Variants in SPANXN4 observed in about 807,000 individuals in gnomAD.
SPANXN4 encodes the protein SPANX family member N4.
Under a neutral mutation model 6.0 loss-of-function variants are expected in SPANXN4, and 5 were observed. That is an observed-to-expected ratio of 0.83 (90% CI 0.44 to 1.75). The LOEUF (loss-of-function observed/expected upper bound fraction) is 1.75, where lower values mean the gene tolerates loss of function less well. Ranked by LOEUF, SPANXN4 falls within the 40% of genes most tolerant of loss-of-function variation. The pLI is 0.02. For synonymous variants in SPANXN4, 45 were observed against 38.0 expected, an observed-to-expected ratio of 1.19 and a Z score of -0.68; for missense variants, 157 against 108.6, an observed-to-expected ratio of 1.45 and a Z score of -1.98.
At chrX:143,028,097 A>T (rs1030304584) in intron 1 of SPANXN4, among the ~76,000 whole-genome samples, 3 of 111,373 alleles carry the variant, frequency 2.7e-5, no homozygotes, top group African/African-American at 9.8e-5. Flanking sequence ...TGTGAGGGAG[A>T]GAGAGTAATT....
In SPANXN4 at chrX:143,034,006, C is replaced by T. The variant is rs1474823658; in HGVS notation, c.79-22C>T. The T allele has an allele frequency of 5.2e-6, 6 of 1,153,749 alleles. No individual in the cohort carries two copies. The African/African-American group carries it at 1.1e-4, about 21-fold the overall frequency. On this transcript the variant is annotated intron_variant, in intron 1 of 2. Coordinates refer to ENST00000370504, the Ensembl canonical transcript of SPANXN4. ...ATCCAAAATAACACCATTCTGGCCTCTCCCTGTTTTTTTACCAGAAGAAGA... is the reference window on the plus strand; with the variant it reads ...ATCCAAAATAACACCATTCTGGCCTTTCCCTGTTTTTTTACCAGAAGAAGA...
intron 1 of SPANXN4, 70 bp from the exon 2 acceptor site, chrX:143,033,955 C>T: frequency 1.0e-6 from 1 of 983,832 alleles, no homozygotes; most frequent in Non-Finnish European, 1.4e-6. Flanking sequence ...TAAAGCCCCC[C>T]TTGCTATCTA....
In SPANXN4 at chrX:143,033,766, TG is replaced by T. The variant is rs35689099; in HGVS notation, c.79-260del. 1.4e-3 allele frequency among the ~76,000 whole-genome samples: 160 copies of T among 111,675 alleles called. 3 individuals are homozygous for T. The East Asian group carries it at 0.03, about 21-fold the overall frequency. ...ATGTTTCTCATGGCCTGAACCCCCA[TG>T]GAATGTTTCACTTTGACCGAGGTCT... On this transcript the variant is annotated intron_variant, in intron 1 of 2. Coordinates refer to ENST00000370504, the Ensembl canonical transcript of SPANXN4.
downstream of SPANXN4, among the ~76,000 whole-genome samples, chrX:143,035,668 A>G (rs758768697): frequency 3.6e-5 from 4 of 110,494 alleles, no homozygotes; most frequent in Non-Finnish European, 5.7e-5. Context: ...TTTTAAAGAA[A>G]TTTTATTTTG....
At chrX:143,028,133 G>A (rs910800233) in intron 1 of SPANXN4, among the ~76,000 whole-genome samples, 1 of 111,119 alleles carries the variant, frequency 9.0e-6, no homozygotes, top group Non-Finnish European at 1.9e-5. Context: ...TTCTAGATGT[G>A]GATCTGGTGC....
At chrX:143,026,994 T>C (rs1268836188) in intron 1 of SPANXN4, among the ~76,000 whole-genome samples, 5 of 111,523 alleles carry the variant, frequency 4.5e-5, no homozygotes, top group Non-Finnish European at 9.4e-5. Context: ...GGTCTGCTTG[T>C]GAGGCAAAAT....
At chrX:143,036,900 G>A (rs1359593608), downstream of SPANXN4, among the ~76,000 whole-genome samples, 1 of 110,961 alleles carries the variant, frequency 9.0e-6, no homozygotes, top group Non-Finnish European at 1.9e-5. Context: ...CAATGCTAGG[G>A]TGCTCCAGAG....
At chrX:143,032,084 C>A (rs1932813388) in intron 1 of SPANXN4, among the ~76,000 whole-genome samples, 2 of 111,929 alleles carry the variant, frequency 1.8e-5, no homozygotes, top group South Asian at 7.4e-4. Context: ...GACAGCCATC[C>A]AGATGCATTC....
At chrX:143,026,197 T>G in intron 1 of SPANXN4, 105 bp downstream of exon 1, 4 of 662,672 alleles carry the variant, frequency 6.0e-6, no homozygotes, top group Non-Finnish European at 9.1e-6. Flanking sequence ...CCTGCAGAAA[T>G]GTGGGGCCAG....
intron 1 of SPANXN4, among the ~76,000 whole-genome samples, chrX:143,030,186 A>G (rs973083825): frequency 6.3e-5 from 7 of 110,801 alleles, no homozygotes; most frequent in African/African-American, 1.6e-4. Context: ...GAAGTATCCC[A>G]CAAGGCTCAA....
At chrX:143,030,113 G>A (rs1932801513) in intron 1 of SPANXN4, among the ~76,000 whole-genome samples, 2 of 109,109 alleles carry the variant, frequency 1.8e-5, no homozygotes, top group Admixed American at 9.8e-5. Context: ...GTTTTAAGAT[G>A]GGCCCATGTG....
intron 2 of SPANXN4, 137 bp downstream of exon 2, chrX:143,034,448 A>G: frequency 1.8e-6 from 2 of 1,106,395 alleles, no homozygotes; most frequent in Non-Finnish European, 1.2e-6. Flanking sequence ...CATTGTAAAT[A>G]AAGACTGGGG....
At chrX:143,034,950 T>A (rs1279489607), downstream of SPANXN4, among the ~76,000 whole-genome samples, 2 of 108,924 alleles carry the variant, frequency 1.8e-5, no homozygotes, top group Non-Finnish European at 3.8e-5. Flanking sequence ...TTATCACCAC[T>A]TCCATACACC....
chrX:143,031,586 G>C (rs1932810034), intron 1 of SPANXN4, among the ~76,000 whole-genome samples: 1 of 112,172 alleles, frequency 8.9e-6, no homozygotes, highest in Non-Finnish European at 1.9e-5. Flanking sequence ...CCTGTTGGTT[G>C]CACTTATAAC....
downstream of SPANXN4, among the ~76,000 whole-genome samples, chrX:143,035,998 C>T (rs1288710470): frequency 1.9e-5 from 2 of 104,268 alleles, no homozygotes; most frequent in African/African-American, 3.5e-5. Context: ...AGTCCACATA[C>T]GAGATCAGGT....
At chrX:143,035,273 T>C (rs1045016476), downstream of SPANXN4, among the ~76,000 whole-genome samples, 10 of 110,361 alleles carry the variant, frequency 9.1e-5, no homozygotes, top group South Asian at 3.8e-4. Context: ...CTTGTCTTCA[T>C]TGGCAATCAT....
intron 1 of SPANXN4, among the ~76,000 whole-genome samples, chrX:143,027,834 C>G (rs1043904983): frequency 1.8e-5 from 2 of 109,984 alleles, no homozygotes; most frequent in African/African-American, 6.6e-5. Context: ...ATTCCACAGA[C>G]AAAAAGGGCA....
At chrX:143,034,631 C>T (rs1569430077) in exon 3 of SPANXN4, 1 of 1,165,593 alleles carries the variant, frequency 8.6e-7, no homozygotes. Flanking sequence ...ATCAGAATCA[C>T]CACCTTCAGG....
At position 143,029,039 on chromosome X, in the gene SPANXN4, AG is replaced by A. The variant is rs1284952281; in HGVS notation, c.78+2948del. The stretch of plus-strand genomic sequence containing the variant: ...TTCCTGAATGGTGCCAGCCCGGGCA[AG>A]TGGGGTTTGTTCCGCGTGGGTATAT... On this transcript the variant is annotated intron_variant, in intron 1 of 2. Coordinates refer to ENST00000370504, the Ensembl canonical transcript of SPANXN4. Among the ~76,000 whole-genome samples, 4 of 111,323 alleles carry A rather than the reference AG, an allele frequency of 3.6e-5. No homozygotes were observed. The Admixed American group carries it at 3.8e-4, about 11-fold the overall frequency.
Sources: allele counts gnomAD v4.1 joint callset (sites outside exome capture counted in the v4.1 genomes callset), GRCh38; gene constraint gnomAD v4.1.1; transcripts MANE v1.5; gene names NCBI Gene and HGNC (gene_info 2026-07-23, HGNC 2026-07-21).